Variants in EXOC1 observed in about 807,000 individuals in gnomAD.
The protein encoded by EXOC1 is SEC3-like 1.
In EXOC1, 67 loss-of-function variants were observed where a neutral mutation model predicts 107.7. The ratio of observed to expected loss-of-function variants is 0.62; its 90% CI spans 0.51 to 0.76. The LOEUF (loss-of-function observed/expected upper bound fraction) is 0.76, where lower values mean the gene tolerates loss of function less well. Among genes scored for constraint, EXOC1 ranks in the 30% least tolerant of loss-of-function variants. The probability of loss-of-function intolerance (pLI) is 0.00; values close to 1 mark genes in which losing one functional copy is unlikely to be tolerated. For synonymous variants in EXOC1, 348 were observed against 353.5 expected (o/e 0.98, Z 0.17); for missense variants, 833 against 1,055.7 (o/e 0.79, Z 2.92).
chr4:55,875,755 A>T, intron 8 of EXOC1: 3 of 985,472 alleles, frequency 3.0e-6, no homozygotes, highest in Non-Finnish European at 3.6e-6. Flanking sequence ...CCCTTTAATC[A>T]GCGTGACCAA....
intron 9 of EXOC1, among the ~76,000 whole-genome samples, chr4:55,881,106 A>T (rs1344228592): frequency 6.6e-6 from 1 of 152,212 alleles, no homozygotes; most frequent in Non-Finnish European, 1.5e-5. Context: ...AAGAATCACT[A>T]GCCACTGCCT....
rs1359072354 is a variant in EXOC1, at chr4:55,875,208, C to A, written c.1075-2709C>A. Among the ~76,000 whole-genome samples, 3 of 152,218 alleles carry A rather than the reference C, an allele frequency of 2.0e-5. No homozygotes were observed. In the East Asian group the frequency reaches 5.8e-4, roughly 29 times the overall value. The stretch of plus-strand genomic sequence containing the variant: ...AGAAACAAGCTATAATAAAATAAAA[C>A]CTGTATTGCAGACCACCAGCATTCA... On this transcript the variant is annotated intron_variant, in intron 8 of 18. Coordinates refer to ENST00000381295, the MANE Select transcript of EXOC1 (RefSeq NM_001024924.2).
rs186054898 is a variant in EXOC1 at position 55,866,303 on chromosome 4, T to C, written c.415+1917T>C. ...AGGACTTTTCAGCAGTTGAAGTAGA[T>C]TGAAGTTTTTATTTGGCCTTTTTTT... On this transcript the variant is annotated intron_variant, in intron 4 of 18. Coordinates refer to ENST00000381295, the MANE Select transcript of EXOC1 (RefSeq NM_001024924.2). Among the ~76,000 whole-genome samples the C allele has an allele frequency of 2.6e-5, 4 of 152,324 alleles. No homozygotes were observed. In the East Asian group the frequency reaches 7.7e-4, roughly 29 times the overall value.
At chr4:55,867,671 A>G (rs1404953753) in intron 4 of EXOC1, among the ~76,000 whole-genome samples, 2 of 152,142 alleles carry the variant, frequency 1.3e-5, no homozygotes, top group African/African-American at 2.4e-5. Flanking sequence ...ATAATTTCAA[A>G]CAGCCATGTT....
Position 55,880,168 on chromosome 4 carries a change from A to G in EXOC1, c.1224+2102A>G, listed in dbSNP as rs373238627. Among the ~76,000 whole-genome samples the G allele has an allele frequency of 2.9e-4, 44 of 152,244 alleles. 1 individual carries two copies. In the East Asian group the frequency reaches 5.0e-3, roughly 17 times the overall value. On this transcript the variant is annotated intron_variant, in intron 9 of 18. Coordinates refer to ENST00000381295, the MANE Select transcript of EXOC1 (RefSeq NM_001024924.2). Reference sequence around the variant, plus strand: ...AGGACATTTTTATGTATCAGTTTTCATGTATTTTCTCTTTGAAGTGCCTTT... The same window carrying G: ...AGGACATTTTTATGTATCAGTTTTCGTGTATTTTCTCTTTGAAGTGCCTTT...
intron 18 of EXOC1, among the ~76,000 whole-genome samples, chr4:55,902,961 A>T (rs2109523073): frequency 6.6e-6 from 1 of 151,976 alleles, no homozygotes; most frequent in South Asian, 2.1e-4. Context: ...TGGGCAACAT[A>T]GCAAGACCTT....
At position 55,904,525 on chromosome 4, in the gene EXOC1, TGA is replaced by T; in HGVS notation, c.*31_*32del. On this transcript the variant is annotated 3_prime_UTR_variant, in exon 19 of 19. Coordinates refer to ENST00000381295, the MANE Select transcript of EXOC1 (RefSeq NM_001024924.2). ...TGTGAAAGAAGAAAAGATAACTGAA[TGA>T]AGCATTTGAGTATAACAGACACTAT... 1 of 1,589,418 alleles carries T rather than the reference TGA, an allele frequency of 6.3e-7. No homozygotes were observed. The highest frequency in any genetic ancestry group is 8.6e-7 in the Non-Finnish European group (1 of 1,167,002).
chr4:55,856,554 A>G (rs1339392300), intron 1 of EXOC1, among the ~76,000 whole-genome samples: 1 of 151,924 alleles, frequency 6.6e-6, no homozygotes, highest in African/African-American at 2.4e-5. Context: ...TGCTATAAAA[A>G]TACGTTGTAA....
At chr4:55,882,126 T>A (rs1179679902) in intron 9 of EXOC1, among the ~76,000 whole-genome samples, 1 of 151,984 alleles carries the variant, frequency 6.6e-6, no homozygotes, top group Non-Finnish European at 1.5e-5. Flanking sequence ...TGTATTGTGT[T>A]TTGTTTTGTT....
Position 55,870,842 on chromosome 4 carries a change from C to G in EXOC1, c.768C>G (p.Asn256Lys). 1 of 1,613,826 alleles carries G rather than the reference C, an allele frequency of 6.2e-7. No individual in the cohort carries two copies. Among genetic ancestry groups the G allele is most frequent in the East Asian group, 2.2e-5 (1 of 44,818 alleles). ...AAATGGATCAGATCTCTGAAAGCAA[C>G]CACCTAATTCATCTTAGTAACACTA... is the stretch of plus-strand genomic sequence containing the variant. ...KEQMDQISES[N>K]HLIHLSNTNN... The change falls in exon 6 of 19, where the codon AAC becomes AAG. Residue 256 changes from asparagine (N) to lysine (K), a missense_variant. By Grantham distance (94) the Asn-to-Lys change is moderately conservative. Transcript: ENST00000381295.
intron 18 of EXOC1, among the ~76,000 whole-genome samples, chr4:55,903,147 T>A (rs867603070): frequency 0.035 from 3,456 of 98,202 alleles, 124 homozygotes; most frequent in African/African-American, 0.096. Flanking sequence ...GTGTCTCAAT[T>A]AAAAAAAAAA....
At chr4:55,864,490 A>T in intron 4 of EXOC1, 104 bp downstream of exon 4, 1 of 1,020,044 alleles carries the variant, frequency 9.8e-7, no homozygotes. Flanking sequence ...ATCTTATCGT[A>T]AAAGAACTTT....
Position 55,871,176 on chromosome 4 carries a change from G to T in EXOC1, c.907G>T (p.Ala303Ser), listed in dbSNP as rs1393206911. 2.3e-5 allele frequency: 37 copies of T among 1,613,916 alleles called. No homozygotes were observed. Among genetic ancestry groups the T allele is most frequent in the Non-Finnish European group, 3.1e-5 (37 of 1,179,888 alleles). Residue 303 changes from alanine to serine, a missense_variant, in exon 7 of 19, where the codon GCC (alanine) becomes TCC (serine). Ala to Ser is a moderately conservative substitution (Grantham distance 99). Transcript: ENST00000381295. The stretch of plus-strand genomic sequence containing the variant: ...TCTTGCTTCTTCCAGAGGCATTGAG[G>T]CCTGCACCAATGCTGCTGATGCCCT... ...GDLASSRGIE[A>S]CTNAADALLQ... is the part of the protein sequence containing the mutation.
rs762023741 is a variant in EXOC1 at position 55,877,926 on chromosome 4, C to A, written c.1084C>A (p.Gln362Lys). 1.2e-6 allele frequency: 2 copies of A among 1,613,572 alleles called. No individual in the cohort carries two copies. The highest frequency in any genetic ancestry group is 1.7e-6 in the Non-Finnish European group (2 of 1,179,810). The change falls in exon 9 of 19, where the codon CAG (glutamine) becomes AAG (lysine). Residue 362 changes from glutamine (Q) to lysine (K), a missense_variant. Gln to Lys is a moderately conservative substitution (Grantham distance 53, BLOSUM62 1). This residue lies in a region of EXOC1 where 617 missense variants were observed against 701.3 expected (regional missense o/e 0.88). Coordinates refer to ENST00000381295, the MANE Select transcript of EXOC1 (RefSeq NM_001024924.2). ...ATTTTACTCACTTTAGGGTCATGAT[C>A]AGAGTTCGACTCTTGCCCAACACTC... is the stretch of plus-strand genomic sequence containing the variant. Reference protein sequence around the residue: ...NNVFVQQGHDQSSTLAQHSVE... With the variant: ...NNVFVQQGHDKSSTLAQHSVE...
At chr4:55,867,760 TA>T (rs1722087746) in intron 4 of EXOC1, among the ~76,000 whole-genome samples, 1 of 152,192 alleles carries the variant, frequency 6.6e-6, no homozygotes, top group African/African-American at 2.4e-5. Flanking sequence ...GAAATTTTTT[TA>T]AGCAAAGAAA....
At position 55,868,508 on chromosome 4, in the gene EXOC1, G is replaced by C. The variant is rs761674429; in HGVS notation, c.588G>C (p.Leu196=). The C allele has an allele frequency of 8.1e-6, 13 of 1,613,394 alleles. No individual in the cohort carries two copies. In the Admixed American group the frequency reaches 2.2e-4, roughly 27 times the overall value. ...EAFAEKLSRE[L]QVLDGANIQS... ...TTGCAGAAAAATTGTCCAGAGAGCT[G>C]CAGGTGCTAGATGGGGTAAGACTTT... Residue 196 remains leucine (L), a synonymous_variant, in exon 5 of 19, where the codon CTG becomes CTC. Transcript: ENST00000381295.
chr4:55,892,556 C>T (rs914009231), intron 13 of EXOC1, 79 bp from the exon 14 acceptor site: 2 of 1,110,966 alleles, frequency 1.8e-6, no homozygotes, highest in Admixed American at 3.9e-5. Flanking sequence ...AATTTTAAGA[C>T]TGAGCAGGCT....
At chr4:55,894,614 CTTTTTTTTTTTT>C (rs772700227) in intron 15 of EXOC1, among the ~76,000 whole-genome samples, 1 of 76,116 alleles carries the variant, frequency 1.3e-5, no homozygotes, top group Non-Finnish European at 2.3e-5. Flanking sequence ...CTATCTGTTA[CTTTTTTTTTTTT>C]TTTTTTTTTT....
chr4:55,856,298 GGGGATAGTTTAGGTATA>G (rs1720963482), intron 1 of EXOC1, among the ~76,000 whole-genome samples: 2 of 152,202 alleles, frequency 1.3e-5, no homozygotes, highest in African/African-American at 4.8e-5. Flanking sequence ...AATAATTGTA[GGGGATAGTTTAGGTATA>G]GGGAAATGAG....
Sources: gnomAD v4.1 joint callset for allele counts (sites outside exome capture counted in the v4.1 genomes callset) on GRCh38, gnomAD v4.1.1 for gene constraint, gnomAD v4.1.1 regional missense constraint, MANE v1.5 for transcripts, NCBI Gene and HGNC (gene_info 2026-07-23, HGNC 2026-07-21) for gene names.